Variants in CTNNA3 observed in about 807,000 individuals in gnomAD.
CTNNA3 encodes catenin alpha-3.
In CTNNA3, 76 loss-of-function variants were observed where a neutral mutation model predicts 95.7. The observed-to-expected ratio is 0.79, with a 90% CI of 0.66 to 0.96. The LOEUF (loss-of-function observed/expected upper bound fraction) is 0.96, where lower values mean the gene tolerates loss of function less well. CTNNA3 is among the 40% of genes least tolerant of loss of function. The pLI, the probability that CTNNA3 is intolerant of heterozygous loss-of-function variation, is 0.00. For synonymous variants in CTNNA3, 431 were observed against 374.4 expected, an observed-to-expected ratio of 1.15 and a Z score of -1.74; for missense variants, 1,191 against 1,089.8, an observed-to-expected ratio of 1.09 and a Z score of -1.31.
intron 13 of CTNNA3, among the ~76,000 whole-genome samples, chr10:66,151,195 A>G (rs1160292307): frequency 1.3e-5 from 2 of 152,004 alleles, no homozygotes; most frequent in Non-Finnish European, 2.9e-5. Flanking sequence ...TCAGAATGTC[A>G]TGTCTAAATT....
At chr10:66,357,540 T>G (rs2092620394) in intron 12 of CTNNA3, among the ~76,000 whole-genome samples, 1 of 152,134 alleles carries the variant, frequency 6.6e-6, no homozygotes, top group Non-Finnish European at 1.5e-5. Context: ...CTTTCTGTGC[T>G]TATATATATT....
chr10:67,122,335 TAACA>T (rs1476858467), intron 7 of CTNNA3, among the ~76,000 whole-genome samples: 6 of 152,052 alleles, frequency 3.9e-5, no homozygotes, highest in Non-Finnish European at 5.9e-5. Context: ...TACAATAACA[TAACA>T]AAGTCTTCAA....
At chr10:66,491,800 C>T (rs915671381) in intron 11 of CTNNA3, among the ~76,000 whole-genome samples, 1 of 152,120 alleles carries the variant, frequency 6.6e-6, no homozygotes, top group Non-Finnish European at 1.5e-5. Flanking sequence ...CTTTGTTAGA[C>T]TGACACTCTT....
At chr10:66,672,943 A>C (rs1846717102) in intron 9 of CTNNA3, among the ~76,000 whole-genome samples, 1 of 151,898 alleles carries the variant, frequency 6.6e-6, no homozygotes, top group Non-Finnish European at 1.5e-5. Flanking sequence ...ATATATAATA[A>C]AATTATTTTA....
chr10:66,831,321 C>T (rs533039845), intron 7 of CTNNA3, among the ~76,000 whole-genome samples: 19 of 152,296 alleles, frequency 1.2e-4, no homozygotes, highest in East Asian at 9.7e-4. Flanking sequence ...GGCCCATCTT[C>T]CCTTGTGTGC....
At chr10:65,931,686 C>G (rs2077256103) in intron 17 of CTNNA3, among the ~76,000 whole-genome samples, 1 of 152,180 alleles carries the variant, frequency 6.6e-6, no homozygotes, top group African/African-American at 2.4e-5. Flanking sequence ...AGTTCTGTTC[C>G]TGAATTTAGT....
At chr10:65,966,828 G>T in intron 16 of CTNNA3, 82 bp from the exon 17 acceptor site, 2 of 1,045,132 alleles carry the variant, frequency 1.9e-6, no homozygotes, top group Non-Finnish European at 2.7e-6. Flanking sequence ...GTATTCACAT[G>T]GCAGGTACCT....
At chr10:67,491,860 A>G (rs1848657925) in intron 5 of CTNNA3, among the ~76,000 whole-genome samples, 1 of 152,160 alleles carries the variant, frequency 6.6e-6, no homozygotes, top group Non-Finnish European at 1.5e-5. Flanking sequence ...TATAAGTGGA[A>G]AAAAAGTATA....
rs1339523473 is a variant in CTNNA3 at position 67,539,626 on chromosome 10, G to A, written c.336C>T (p.Pro112=). The A allele has an allele frequency of 1.9e-6, 3 of 1,613,582 alleles. No individual in the cohort carries two copies. The highest frequency in any genetic ancestry group is 2.7e-5 in the African/African-American group (2 of 74,886). Reference sequence around the variant, plus strand: ...CAGCCTCCCTTTTTGGGAGAAAACAGGGGTCATCTGTAAATCTCTCAGCTG... The same window carrying A: ...CAGCCTCCCTTTTTGGGAGAAAACAAGGGTCATCTGTAAATCTCTCAGCTG... The part of the protein sequence containing the change: ...KVSAERFTDD[P]CFLPKREAVV... The change falls in exon 4 of 18, where the codon CCC becomes CCT. Residue 112 remains proline, a synonymous_variant. Transcript: ENST00000433211.
chr10:66,970,262 A>C (rs1381505650), intron 7 of CTNNA3, among the ~76,000 whole-genome samples: 1 of 152,164 alleles, frequency 6.6e-6, no homozygotes. Context: ...TGTCAGTCAT[A>C]AGGATGGCTA....
At chr10:65,932,156 C>A (rs2133146985) in intron 17 of CTNNA3, among the ~76,000 whole-genome samples, 1 of 152,260 alleles carries the variant, frequency 6.6e-6, no homozygotes, top group South Asian at 2.1e-4. Flanking sequence ...CTTTCTCTCT[C>A]TGAGTCTGTT....
At chr10:66,409,537 T>C (rs138029010) in intron 11 of CTNNA3, among the ~76,000 whole-genome samples, 1 of 152,280 alleles carries the variant, frequency 6.6e-6, no homozygotes, top group Non-Finnish European at 1.5e-5. Flanking sequence ...AGTGGTGCAG[T>C]ATGATGAATA....
chr10:66,445,504 G>C (rs528761397), intron 11 of CTNNA3, among the ~76,000 whole-genome samples: 5 of 152,014 alleles, frequency 3.3e-5, no homozygotes, highest in African/African-American at 1.2e-4. Context: ...AAACTAGAAG[G>C]CAGGATTAAG....
At chr10:67,239,783 G>A (rs938690536) in intron 5 of CTNNA3, among the ~76,000 whole-genome samples, 1 of 152,122 alleles carries the variant, frequency 6.6e-6, no homozygotes, top group African/African-American at 2.4e-5. Flanking sequence ...TATTACCCAT[G>A]TCATTAAGGG....
chr10:66,932,417 G>GT (rs1477811926), intron 7 of CTNNA3, among the ~76,000 whole-genome samples: 1 of 152,154 alleles, frequency 6.6e-6, no homozygotes, highest in Admixed American at 6.5e-5. Context: ...GACATGGCAA[G>GT]TAAGAATCGA....
At chr10:66,613,198 T>G (rs182059311) in intron 10 of CTNNA3, among the ~76,000 whole-genome samples, 9 of 152,194 alleles carry the variant, frequency 5.9e-5, no homozygotes, top group African/African-American at 1.9e-4. Flanking sequence ...TATCTAATTT[T>G]TTACCCCACT....
At chr10:66,508,338 G>A (rs1376634274) in intron 11 of CTNNA3, among the ~76,000 whole-genome samples, 12 of 151,472 alleles carry the variant, frequency 7.9e-5, no homozygotes. Flanking sequence ...ATTTAGAAAC[G>A]GCGTTCACTT....
At chr10:67,721,813 T>C (rs1841181228) in intron 1 of CTNNA3, among the ~76,000 whole-genome samples, 1 of 152,234 alleles carries the variant, frequency 6.6e-6, no homozygotes, top group Admixed American at 6.5e-5. Context: ...CTTTGGCCTT[T>C]GATGCTGGTG....
intron 15 of CTNNA3, among the ~76,000 whole-genome samples, chr10:66,042,393 C>T (rs2079713567): frequency 6.6e-6 from 1 of 151,836 alleles, no homozygotes; most frequent in African/African-American, 2.4e-5. Context: ...TCAATAAATA[C>T]TTATAAAGCA....
Sources: allele counts gnomAD v4.1 joint callset (sites outside exome capture counted in the v4.1 genomes callset), GRCh38; gene constraint gnomAD v4.1.1; transcripts MANE v1.5; gene names NCBI Gene and HGNC (gene_info 2026-07-23, HGNC 2026-07-21).